Variants in CEP63 observed in about 807,000 individuals in gnomAD.
CEP63 encodes centrosomal protein of 63 kDa.
In CEP63, 84 loss-of-function variants were observed where a neutral mutation model predicts 89.1. The observed-to-expected ratio is 0.94, with a 90% CI of 0.79 to 1.13. The LOEUF is 1.13. Among genes scored for constraint, CEP63 ranks in the 50% most tolerant of loss-of-function variants. The pLI is 0.00. For missense variants in CEP63, 838 were observed against 813.3 expected (o/e 1.03, Z -0.37); for synonymous variants, 267 against 272.5 (o/e 0.98, Z 0.20).
the CEP63 span, among the ~76,000 whole-genome samples, chr3:134,598,370 G>GT: frequency 5.9e-5 from 9 of 152,148 alleles, no homozygotes; most frequent in Admixed American, 5.9e-4. Context: ...ATAAAAACCA[G>GT]TTTTTTGTTG....
chr3:134,685,922 G>C, the CEP63 span, among the ~76,000 whole-genome samples: 1 of 152,112 alleles, frequency 6.6e-6, no homozygotes, highest in South Asian at 2.1e-4. Flanking sequence ...ACGTGTTTAG[G>C]GCCTACTCCA....
chr3:134,664,547 G>A, the CEP63 span, among the ~76,000 whole-genome samples: 5 of 152,222 alleles, frequency 3.3e-5, no homozygotes, highest in East Asian at 1.9e-4. Flanking sequence ...ATACATCAGG[G>A]TGGTGATGTG....
chr3:134,700,262 G>A, the CEP63 span, among the ~76,000 whole-genome samples: 8 of 135,194 alleles, frequency 5.9e-5, no homozygotes, highest in Admixed American at 2.2e-4. Context: ...CATTCCTGCC[G>A]CGCTGGCCCT....
chr3:134,608,616 C>T, the CEP63 span: 1 of 1,613,922 alleles, frequency 6.2e-7, no homozygotes, highest in South Asian at 1.1e-5. Context: ...TCCATTCCTG[C>T]TGCTAGCACA....
At chr3:134,752,393 G>A in the CEP63 span, among the ~76,000 whole-genome samples, 1 of 152,134 alleles carries the variant, frequency 6.6e-6, no homozygotes, top group Non-Finnish European at 1.5e-5. Flanking sequence ...CATGATACAT[G>A]ACTGACCTCC....
the CEP63 span, among the ~76,000 whole-genome samples, chr3:134,648,334 C>T: frequency 2.0e-5 from 3 of 152,174 alleles, no homozygotes; most frequent in South Asian, 4.2e-4. Context: ...CTTCTTAACA[C>T]CCTTCTTTTC....
chr3:134,548,013 T>A (rs1002193195), intron 9 of CEP63, among the ~76,000 whole-genome samples: 2 of 152,192 alleles, frequency 1.3e-5, no homozygotes, highest in African/African-American at 4.8e-5. Context: ...CTTTCTGCAC[T>A]TCTAAGACCA....
the CEP63 span, chr3:134,619,349 C>A: frequency 2.0e-6 from 2 of 1,004,004 alleles, no homozygotes; most frequent in Non-Finnish European, 3.2e-6. Flanking sequence ...GTGCTCTGGC[C>A]ATCACCAGCC....
the CEP63 span, among the ~76,000 whole-genome samples, chr3:134,722,749 AT>A: frequency 3.5e-4 from 53 of 152,244 alleles, no homozygotes; most frequent in African/African-American, 1.2e-3. Flanking sequence ...TTCTTTATTT[AT>A]TCACTCTGGT....
At chr3:134,592,989 C>G in the CEP63 span, among the ~76,000 whole-genome samples, 1 of 152,032 alleles carries the variant, frequency 6.6e-6, no homozygotes, top group Non-Finnish European at 1.5e-5. Context: ...ATATAATAGA[C>G]AACTCACTGA....
At chr3:134,497,242 T>C (rs1940412048) in intron 2 of CEP63, among the ~76,000 whole-genome samples, 1 of 152,242 alleles carries the variant, frequency 6.6e-6, no homozygotes, top group Admixed American at 6.5e-5. Flanking sequence ...ATTGTTTCCT[T>C]TGCCGTGCAA....
At chr3:134,762,059 C>T in the CEP63 span, among the ~76,000 whole-genome samples, 6 of 152,126 alleles carry the variant, frequency 3.9e-5, no homozygotes, top group Admixed American at 1.3e-4. Flanking sequence ...ACATCAATCC[C>T]TCAGCTATAT....
At chr3:134,496,214 G>A (rs1039634492) in intron 2 of CEP63, among the ~76,000 whole-genome samples, 2 of 151,984 alleles carry the variant, frequency 1.3e-5, no homozygotes, top group Non-Finnish European at 2.9e-5. Context: ...AGTCATAAAA[G>A]CCACAAGCTA....
the CEP63 span, chr3:134,625,207 T>G: frequency 8.3e-7 from 1 of 1,203,172 alleles, no homozygotes; most frequent in South Asian, 1.3e-5. Context: ...GGCCTTGCTG[T>G]CTCTTTGAGG....
chr3:134,660,555 A>G, the CEP63 span, among the ~76,000 whole-genome samples: 1 of 152,162 alleles, frequency 6.6e-6, no homozygotes, highest in Non-Finnish European at 1.5e-5. Context: ...TGTAAGACCC[A>G]TTGTTCATTT....
At chr3:134,534,351 A>G (rs1035397840) in intron 5 of CEP63, among the ~76,000 whole-genome samples, 1 of 152,114 alleles carries the variant, frequency 6.6e-6, no homozygotes, top group East Asian at 1.9e-4. Flanking sequence ...GTCATTACCA[A>G]TATATGCCAC....
chr3:134,653,159 C>T, the CEP63 span, among the ~76,000 whole-genome samples: 4 of 152,178 alleles, frequency 2.6e-5, no homozygotes, highest in East Asian at 1.9e-4. Context: ...TCATCCTTGG[C>T]GCTATTGACA....
the CEP63 span, among the ~76,000 whole-genome samples, chr3:134,611,110 C>A: frequency 7.2e-5 from 11 of 152,180 alleles, no homozygotes; most frequent in South Asian, 1.0e-3. Context: ...TTGCTGACTG[C>A]CTGCCCTGGC....
At chr3:134,596,147 G>A in the CEP63 span, among the ~76,000 whole-genome samples, 1 of 152,146 alleles carries the variant, frequency 6.6e-6, no homozygotes, top group African/African-American at 2.4e-5. Flanking sequence ...TCAAGCTTAG[G>A]TTATATAATC....
Sources: gnomAD v4.1 joint callset for allele counts (sites outside exome capture counted in the v4.1 genomes callset) on GRCh38, gnomAD v4.1.1 for gene constraint, MANE v1.5 for transcripts, NCBI Gene and HGNC (gene_info 2026-07-23, HGNC 2026-07-21) for gene names.